PALLD: variants seen among roughly 807,000 people sequenced by gnomAD.
PALLD encodes the protein palladin, cytoskeletal associated protein.
In PALLD, 61 loss-of-function variants were observed where a neutral mutation model predicts 123.5. That is an observed-to-expected ratio of 0.49 (90% CI 0.40 to 0.61). The LOEUF is 0.61. PALLD is among the 20% of genes least tolerant of loss of function. PALLD has a pLI of 0.00. For missense variants in PALLD, 1,273 were observed against 1,377.0 expected (o/e 0.92, Z 1.20); for synonymous variants, 465 against 496.4 (o/e 0.94, Z 0.84).
chr4:168,638,208 T>G (rs1776541656), intron 2 of PALLD, among the ~76,000 whole-genome samples: 1 of 152,164 alleles, frequency 6.6e-6, no homozygotes, highest in African/African-American at 2.4e-5. Context: ...GTAGATATAT[T>G]ACCCCTATTT....
At chr4:168,836,453 A>G (rs560497087) in intron 10 of PALLD, among the ~76,000 whole-genome samples, 1 of 152,380 alleles carries the variant, frequency 6.6e-6, no homozygotes, top group African/African-American at 2.4e-5. Flanking sequence ...AGTGTTAAAA[A>G]TAGATTCATA....
At chr4:168,774,097 T>C (rs547628203) in intron 10 of PALLD, among the ~76,000 whole-genome samples, 1 of 148,998 alleles carries the variant, frequency 6.7e-6, no homozygotes, top group Non-Finnish European at 1.5e-5. Flanking sequence ...TTAAAAAAAA[T>C]ATATATATCC....
chr4:168,523,278 G>A (rs925969969), intron 2 of PALLD, among the ~76,000 whole-genome samples: 4 of 151,002 alleles, frequency 2.6e-5, no homozygotes, highest in Admixed American at 6.6e-5. Flanking sequence ...GAGGAAGGAG[G>A]GGGGAGGGAG....
At chr4:168,565,412 C>T (rs766004873) in intron 2 of PALLD, among the ~76,000 whole-genome samples, 2 of 152,074 alleles carry the variant, frequency 1.3e-5, no homozygotes, top group African/African-American at 2.4e-5. Flanking sequence ...AGATGCAACA[C>T]CTCTGCAGGA....
chr4:168,678,379 C>T (rs757554197), intron 3 of PALLD, among the ~76,000 whole-genome samples: 7 of 152,262 alleles, frequency 4.6e-5, no homozygotes, highest in African/African-American at 4.8e-5. Flanking sequence ...TCTAACCCAG[C>T]GTCCATCCTC....
At chr4:168,799,312 T>C (rs371686328) in intron 10 of PALLD, among the ~76,000 whole-genome samples, 17 of 152,304 alleles carry the variant, frequency 1.1e-4, no homozygotes, top group African/African-American at 3.4e-4. Flanking sequence ...AGAGTCCTTC[T>C]CAGGCCATAT....
At chr4:168,723,562 G>C (rs1488142970) in intron 10 of PALLD, among the ~76,000 whole-genome samples, 1 of 152,204 alleles carries the variant, frequency 6.6e-6, no homozygotes, top group African/African-American at 2.4e-5. Context: ...GAAGGAAGAT[G>C]AGGAGGAAGA....
At chr4:168,849,415 C>G (rs1022480225) in intron 10 of PALLD, among the ~76,000 whole-genome samples, 2 of 152,212 alleles carry the variant, frequency 1.3e-5, no homozygotes, top group African/African-American at 4.8e-5. Flanking sequence ...CTAGAATGCT[C>G]TGGCCGACTT....
intron 2 of PALLD, among the ~76,000 whole-genome samples, chr4:168,652,514 A>C (rs1778155471): frequency 6.6e-6 from 1 of 152,202 alleles, no homozygotes; most frequent in Non-Finnish European, 1.5e-5. Context: ...TCTAGGGTAC[A>C]TGTGCACAAC....
At chr4:168,668,933 G>C (rs995165595) in intron 3 of PALLD, among the ~76,000 whole-genome samples, 5 of 152,126 alleles carry the variant, frequency 3.3e-5, no homozygotes, top group African/African-American at 1.2e-4. Flanking sequence ...GTTCATTTTT[G>C]ACAGGATTCA....
At chr4:168,917,311 G>A (rs1760383743) in intron 17 of PALLD, among the ~76,000 whole-genome samples, 1 of 152,090 alleles carries the variant, frequency 6.6e-6, no homozygotes, top group Admixed American at 6.5e-5. Flanking sequence ...GCCTTCCAAA[G>A]TGCTGGGATT....
chr4:168,779,514 A>T (rs1447966110), intron 10 of PALLD, among the ~76,000 whole-genome samples: 2 of 151,022 alleles, frequency 1.3e-5, no homozygotes, highest in Admixed American at 6.6e-5. Flanking sequence ...TATATATATA[A>T]AATATCATAT....
At chr4:168,580,010 G>A (rs62335500) in intron 2 of PALLD, among the ~76,000 whole-genome samples, 15,279 of 151,896 alleles carry the variant, frequency 0.1, 937 homozygotes, top group South Asian at 0.18. Flanking sequence ...ACTTTGTACC[G>A]TTTGACCAAT....
intron 2 of PALLD, among the ~76,000 whole-genome samples, chr4:168,579,828 T>C (rs1275902667): frequency 6.6e-6 from 1 of 152,124 alleles, no homozygotes; most frequent in Admixed American, 6.6e-5. Flanking sequence ...TGTTGTAAAA[T>C]GATTACTGCA....
chr4:168,565,515 C>A (rs1358800293), intron 2 of PALLD, among the ~76,000 whole-genome samples: 1 of 152,048 alleles, frequency 6.6e-6, no homozygotes, highest in Non-Finnish European at 1.5e-5. Context: ...TCAGCTAAAA[C>A]CTATCCAGCT....
intron 8 of PALLD, among the ~76,000 whole-genome samples, chr4:168,696,134 G>A (rs1050585580): frequency 6.6e-6 from 1 of 152,140 alleles, no homozygotes; most frequent in Admixed American, 6.5e-5. Context: ...CAGAGGCCAC[G>A]GGTTGGACAA....
At chr4:168,759,195 AAAAAAAAATATATATATATATATATATAT>A (rs1347995877) in intron 10 of PALLD, among the ~76,000 whole-genome samples, 13 of 32,764 alleles carry the variant, frequency 4.0e-4, no homozygotes, top group African/African-American at 1.3e-3. Flanking sequence ...AAAAAAAAAA[AAAAAAAAATATATATATATATATATATAT>A]ATATATATAT....
chr4:168,739,466 A>G (rs1037453400), intron 10 of PALLD, among the ~76,000 whole-genome samples: 1 of 152,246 alleles, frequency 6.6e-6, no homozygotes, highest in African/African-American at 2.4e-5. Flanking sequence ...AGGTGAAAAC[A>G]TCAGTTAGAA....
chr4:168,543,189 T>C (rs375090068), intron 2 of PALLD, among the ~76,000 whole-genome samples: 3 of 152,180 alleles, frequency 2.0e-5, no homozygotes, highest in South Asian at 4.1e-4. Context: ...TCACTTGCCT[T>C]GTCTGACCCT....
Sources: allele counts gnomAD v4.1 joint callset (sites outside exome capture counted in the v4.1 genomes callset), GRCh38; gene constraint gnomAD v4.1.1; transcripts MANE v1.5; gene names NCBI Gene and HGNC (gene_info 2026-07-23, HGNC 2026-07-21).